Variants in NRXN3 observed in about 807,000 individuals in gnomAD.
The protein encoded by NRXN3 is neurexin III.
NRXN3 carries 32 observed loss-of-function variants against 137.6 expected under a neutral mutation model. That is an observed-to-expected ratio of 0.23 (90% CI 0.18 to 0.31). NRXN3 has a LOEUF of 0.31. Ranked by LOEUF, NRXN3 falls within the 10% of genes least tolerant of loss-of-function variation. The pLI is 1.00. For synonymous variants in NRXN3, 798 were observed against 784.5 expected (o/e 1.02, Z -0.29); for missense variants, 1,574 against 2,062.5 (o/e 0.76, Z 4.59).
chr14:79,388,745 C>T lies in NRXN3; in HGVS notation c.3263-78476C>T, dbSNP rs541685067. ...GGAGAGGCAATTAATTTCTTTTTGGCGGTGAGATGGTTTGCCTGGGTCCCC... is the reference window on the plus strand; with the variant it reads ...GGAGAGGCAATTAATTTCTTTTTGGTGGTGAGATGGTTTGCCTGGGTCCCC... On this transcript the variant is annotated intron_variant, in intron 15 of 20. Transcript: ENST00000335750. 2.0e-4 allele frequency among the ~76,000 whole-genome samples: 30 copies of T among 152,136 alleles called. No individual in the cohort carries two copies. In the East Asian group the frequency reaches 2.3e-3, roughly 12 times the overall value.
At chr14:79,534,172 A>T (rs988571738) in intron 16 of NRXN3, among the ~76,000 whole-genome samples, 1 of 152,174 alleles carries the variant, frequency 6.6e-6, no homozygotes, top group Non-Finnish European at 1.5e-5. Flanking sequence ...AAAACTTTGA[A>T]TCTTGGAGAA....
chr14:78,913,682 A>G lies in NRXN3; in HGVS notation c.2276-43560A>G, dbSNP rs1290305516. ...CATGGGAATATAACCATGAGGTTTA[A>G]AGTTTCTGCTTGTGCCTTTGTTTGT... On this transcript the variant is annotated intron_variant, in intron 10 of 20. Transcript: ENST00000335750. 3.3e-5 allele frequency among the ~76,000 whole-genome samples: 5 copies of G among 152,278 alleles called. No homozygotes were observed. The East Asian group carries it at 9.7e-4, about 29-fold the overall frequency.
chr14:78,771,064 C>A lies in NRXN3; in HGVS notation c.2045-32556C>A, dbSNP rs2098726171. On this transcript the variant is annotated intron_variant, in intron 8 of 20. Coordinates refer to ENST00000335750, the MANE Select transcript of NRXN3 (RefSeq NM_001330195.2). Reference sequence around the variant, plus strand: ...TCCCCTTATTTTAGTCTCCTGGACTCCCTAAATGCTTTGGACCACTTGAGC... The same window carrying A: ...TCCCCTTATTTTAGTCTCCTGGACTACCTAAATGCTTTGGACCACTTGAGC... 2.6e-5 allele frequency among the ~76,000 whole-genome samples: 4 copies of A among 152,296 alleles called. No individual in the cohort carries two copies. The South Asian group carries it at 6.2e-4, about 24-fold the overall frequency.
chr14:79,584,073 T>G (rs1440766273), intron 16 of NRXN3, among the ~76,000 whole-genome samples: 1 of 147,964 alleles, frequency 6.8e-6, no homozygotes, highest in Admixed American at 6.7e-5. Context: ...ATTTTAAAGT[T>G]GAATTTCTGG....
intron 10 of NRXN3, among the ~76,000 whole-genome samples, chr14:78,949,852 T>C (rs2099383826): frequency 6.6e-6 from 1 of 152,176 alleles, no homozygotes; most frequent in Non-Finnish European, 1.5e-5. Context: ...TAATTGGATA[T>C]ATATTTTTTT....
At chr14:79,683,335 A>G (rs1179438405) in intron 17 of NRXN3, among the ~76,000 whole-genome samples, 2 of 151,650 alleles carry the variant, frequency 1.3e-5, no homozygotes, top group Non-Finnish European at 2.9e-5. Context: ...GGGCTCATTA[A>G]AAAACAAACA....
At chr14:79,403,072 A>T (rs971936634) in intron 15 of NRXN3, among the ~76,000 whole-genome samples, 1 of 152,154 alleles carries the variant, frequency 6.6e-6, no homozygotes, top group Admixed American at 6.6e-5. Context: ...GGTGAATGCC[A>T]TGTGCCATGA....
rs1034771245 is a variant in NRXN3, at chr14:78,588,274, A to G, written c.758-56846A>G. Among the ~76,000 whole-genome samples, 7 of 152,202 alleles carry G rather than the reference A, an allele frequency of 4.6e-5. No homozygotes were observed. In the South Asian group the frequency reaches 1.0e-3, roughly 22 times the overall value. On this transcript the variant is annotated intron_variant, in intron 4 of 20. Transcript: ENST00000335750. ...TACTCACCACTCAATCATTCTCCTG[A>G]ATGTTCCACCCTCATCATGTTATAC...
intron 4 of NRXN3, among the ~76,000 whole-genome samples, chr14:78,633,267 A>AAAAAAAAAAAAAAAAAGAG (rs1376443966): frequency 6.7e-6 from 1 of 150,180 alleles, no homozygotes; most frequent in African/African-American, 2.5e-5. Flanking sequence ...AAAAAAAAAA[A>AAAAAAAAAAAAAAAAAGAG]AGAGACTGGT....
chr14:79,836,929 A>G (rs2099345332), intron 20 of NRXN3, among the ~76,000 whole-genome samples: 1 of 152,164 alleles, frequency 6.6e-6, no homozygotes, highest in Admixed American at 6.6e-5. Context: ...TAAGGAGTCA[A>G]CTGTGACATC....
intron 17 of NRXN3, among the ~76,000 whole-genome samples, chr14:79,690,779 C>T (rs10139048): frequency 0.31 from 47,355 of 151,932 alleles, 10,080 homozygotes; most frequent in African/African-American, 0.6. Context: ...GGTGGAATCT[C>T]CTCAGCCAAT....
At chr14:78,297,315 A>G (rs1447106522) in intron 3 of NRXN3, among the ~76,000 whole-genome samples, 4 of 152,086 alleles carry the variant, frequency 2.6e-5, no homozygotes, top group African/African-American at 7.2e-5. Flanking sequence ...CTATCTAGAG[A>G]AAAAAAAGTT....
At chr14:78,201,359 T>G (rs563004668) in intron 1 of NRXN3, among the ~76,000 whole-genome samples, 10 of 152,308 alleles carry the variant, frequency 6.6e-5, no homozygotes, top group African/African-American at 2.4e-4. Flanking sequence ...CCTAACCCCA[T>G]GTCTTCTCCA....
intron 6 of NRXN3, among the ~76,000 whole-genome samples, chr14:78,701,464 C>T (rs974221396): frequency 1.3e-5 from 2 of 152,164 alleles, no homozygotes; most frequent in Non-Finnish European, 2.9e-5. Flanking sequence ...TTCTGGCTGG[C>T]CTGCCTGCAT....
intron 6 of NRXN3, among the ~76,000 whole-genome samples, chr14:78,678,274 T>A (rs1188666459): frequency 6.6e-6 from 1 of 152,160 alleles, no homozygotes; most frequent in Non-Finnish European, 1.5e-5. Context: ...GATTTATCTA[T>A]GTTGATTTCA....
chr14:78,770,853 G>T (rs181494498), intron 8 of NRXN3, among the ~76,000 whole-genome samples: 13 of 152,270 alleles, frequency 8.5e-5, no homozygotes, highest in East Asian at 5.8e-4. Flanking sequence ...TTGGGGTTGG[G>T]GGGGGTACAG....
chr14:79,617,078 C>T (rs2098165201), intron 16 of NRXN3, among the ~76,000 whole-genome samples: 1 of 152,072 alleles, frequency 6.6e-6, no homozygotes, highest in African/African-American at 2.4e-5. Context: ...CCCTGGGACC[C>T]ACATACTCAC....
intron 4 of NRXN3, among the ~76,000 whole-genome samples, chr14:78,605,027 A>T (rs890497965): frequency 6.6e-6 from 1 of 152,114 alleles, no homozygotes; most frequent in Admixed American, 6.5e-5. Context: ...ACATTCAAAG[A>T]TTTTTCTCAG....
At chr14:78,434,859 A>AGG (rs909723023) in intron 4 of NRXN3, among the ~76,000 whole-genome samples, 23 of 152,292 alleles carry the variant, frequency 1.5e-4, no homozygotes, top group African/African-American at 5.5e-4. Context: ...GGCCAAGAGG[A>AGG]GGCCAGGTGG....
Sources: gnomAD v4.1 joint callset for allele counts (sites outside exome capture counted in the v4.1 genomes callset) on GRCh38, gnomAD v4.1.1 for gene constraint, MANE v1.5 for transcripts, NCBI Gene and HGNC (gene_info 2026-07-23, HGNC 2026-07-21) for gene names.